The following NHSL2 variants were observed in gnomAD, a reference collection of about 807,000 sequenced individuals.
The protein encoded by NHSL2 is NHS-like protein 2.
A neutral mutation model predicts 53.4 loss-of-function variants in NHSL2; 27 were observed. That is an observed-to-expected ratio of 0.51 (90% CI 0.37 to 0.70). The LOEUF (loss-of-function observed/expected upper bound fraction) is 0.70, where lower values mean the gene tolerates loss of function less well. NHSL2 is among the 30% of genes least tolerant of loss of function. The pLI, the probability that NHSL2 is intolerant of heterozygous loss-of-function variation, is 0.00. For missense variants in NHSL2, 892 were observed against 980.1 expected (o/e 0.91, Z 1.20); for synonymous variants, 408 against 404.1 (o/e 1.01, Z -0.12).
chrX:72,018,750 C>G (rs2042146844), intron 1 of NHSL2, among the ~76,000 whole-genome samples: 1 of 112,744 alleles, frequency 8.9e-6, no homozygotes, highest in Non-Finnish European at 1.9e-5. Context: ...GGCGCCAGCC[C>G]GATGCCCGGC....
intron 1 of NHSL2, among the ~76,000 whole-genome samples, chrX:72,085,236 T>A (rs1226826556): frequency 7.1e-5 from 8 of 111,936 alleles, no homozygotes; most frequent in African/African-American, 2.6e-4. Flanking sequence ...CTCTCCCCTG[T>A]ACCACCCAGC....
At chrX:71,943,083 C>T (rs2041776108) in intron 1 of NHSL2, among the ~76,000 whole-genome samples, 1 of 108,616 alleles carries the variant, frequency 9.2e-6, no homozygotes, top group Non-Finnish European at 1.9e-5. Flanking sequence ...TTGAACAAGT[C>T]CTGTTAATTC....
intron 1 of NHSL2, among the ~76,000 whole-genome samples, chrX:72,120,827 G>A (rs1602384464): frequency 8.9e-6 from 1 of 112,657 alleles, no homozygotes; most frequent in Admixed American, 9.3e-5. Flanking sequence ...TTCTTTATTA[G>A]CCAGTGGCTA....
At chrX:71,932,334 G>A (rs1038826737) in intron 1 of NHSL2, among the ~76,000 whole-genome samples, 4 of 109,846 alleles carry the variant, frequency 3.6e-5, no homozygotes, top group African/African-American at 1.3e-4. Flanking sequence ...ACAAGCACAA[G>A]AGAAAGAGCA....
At chrX:72,093,603 A>T (rs1281769215) in intron 1 of NHSL2, among the ~76,000 whole-genome samples, 1 of 112,423 alleles carries the variant, frequency 8.9e-6, no homozygotes, top group East Asian at 2.8e-4. Context: ...CTCACCTTCC[A>T]TTGATAGATG....
chrX:72,095,310 G>T (rs188064147), intron 1 of NHSL2, among the ~76,000 whole-genome samples: 2,558 of 112,289 alleles, frequency 0.023, 77 homozygotes, highest in African/African-American at 0.079. Context: ...AACAGCTTTT[G>T]TTATGTAAAA....
intron 1 of NHSL2, among the ~76,000 whole-genome samples, chrX:71,956,976 C>A (rs775415263): frequency 9.0e-6 from 1 of 111,684 alleles, no homozygotes; most frequent in South Asian, 3.8e-4. Context: ...GGCTCCCCTG[C>A]CCTCCTAAAT....
At chrX:71,916,418 G>A (rs191454762) in intron 1 of NHSL2, among the ~76,000 whole-genome samples, 2 of 112,131 alleles carry the variant, frequency 1.8e-5, no homozygotes, top group East Asian at 2.8e-4. Flanking sequence ...GCCTCAAATC[G>A]TCTTTTCCTT....
chrX:71,996,272 C>A (rs968244987), intron 1 of NHSL2, among the ~76,000 whole-genome samples: 3 of 112,760 alleles, frequency 2.7e-5, no homozygotes, highest in African/African-American at 9.7e-5. Flanking sequence ...TCTTTCAAAG[C>A]GCCATCTTAT....
intron 7 of NHSL2, among the ~76,000 whole-genome samples, chrX:72,142,659 C>G (rs2042427844): frequency 9.1e-6 from 1 of 110,237 alleles, no homozygotes; most frequent in African/African-American, 3.3e-5. Context: ...CCCCTCGTCT[C>G]CTAGCAACCA....
chrX:72,066,116 T>C (rs776148745), intron 1 of NHSL2, among the ~76,000 whole-genome samples: 6 of 111,448 alleles, frequency 5.4e-5, no homozygotes, highest in Admixed American at 9.5e-5. Flanking sequence ...GGGAGCCCAC[T>C]GAAGAAGATA....
At chrX:72,100,071 C>T (rs777043490) in intron 1 of NHSL2, among the ~76,000 whole-genome samples, 2 of 111,781 alleles carry the variant, frequency 1.8e-5, no homozygotes, top group Non-Finnish European at 3.8e-5. Context: ...CAAGGCAACT[C>T]ATGAAGCTTC....
At chrX:71,939,107 A>G (rs756019541) in intron 1 of NHSL2, among the ~76,000 whole-genome samples, 1 of 112,165 alleles carries the variant, frequency 8.9e-6, no homozygotes, top group East Asian at 2.8e-4. Context: ...CTAGAGGAAT[A>G]GTCCTTCATC....
chrX:71,945,641 T>G, intron 1 of NHSL2, among the ~76,000 whole-genome samples: 1 of 112,089 alleles, frequency 8.9e-6, no homozygotes, highest in Middle Eastern at 4.6e-3. Context: ...TCCTAAGAGT[T>G]TACTGAAGGA....
At chrX:72,037,078 G>A (rs1208228349) in intron 1 of NHSL2, among the ~76,000 whole-genome samples, 1 of 108,861 alleles carries the variant, frequency 9.2e-6, no homozygotes, top group African/African-American at 3.3e-5. Flanking sequence ...TATGTTAGGA[G>A]GCTCTTATTT....
chrX:72,074,337 A>T (rs1238570534), intron 1 of NHSL2, among the ~76,000 whole-genome samples: 6 of 112,855 alleles, frequency 5.3e-5, no homozygotes, highest in African/African-American at 1.3e-4. Context: ...GGTGGAAGCT[A>T]AAATGGCAGA....
At chrX:71,989,177 C>A (rs1227576386) in intron 1 of NHSL2, among the ~76,000 whole-genome samples, 1 of 109,870 alleles carries the variant, frequency 9.1e-6, no homozygotes, top group Non-Finnish European at 1.9e-5. Flanking sequence ...TTTGAAAGAC[C>A]TTGTCTTTAA....
chrX:71,970,363 G>A (rs1161586341), intron 1 of NHSL2, among the ~76,000 whole-genome samples: 1 of 111,891 alleles, frequency 8.9e-6, no homozygotes, highest in Non-Finnish European at 1.9e-5. Context: ...TCTGGGCCTG[G>A]ACTTTTTTAT....
chrX:72,094,533 C>G, intron 1 of NHSL2, among the ~76,000 whole-genome samples: 1 of 109,449 alleles, frequency 9.1e-6, no homozygotes. Flanking sequence ...AAAAACAAGA[C>G]AAGAAAAAGG....
Sources: gnomAD v4.1 joint callset for allele counts (sites outside exome capture counted in the v4.1 genomes callset) on GRCh38, gnomAD v4.1.1 for gene constraint, MANE v1.5 for transcripts, NCBI Gene and HGNC (gene_info 2026-07-23, HGNC 2026-07-21) for gene names.